The following TCF20 variants were observed in gnomAD, a reference collection of about 807,000 sequenced individuals.
The protein encoded by TCF20 is SPRE-binding protein.
Under a neutral mutation model 148.6 loss-of-function variants are expected in TCF20, and 3 were observed. The observed-to-expected ratio is 0.02, with a 90% confidence interval of 0.01 to 0.05. The LOEUF (loss-of-function observed/expected upper bound fraction) is 0.05. TCF20 is among the 10% of genes least tolerant of loss of function. TCF20 has a pLI of 1.00. For missense variants in TCF20, 2,350 were observed against 2,429.3 expected (o/e 0.97, Z 0.69); for synonymous variants, 1,049 against 909.5 (o/e 1.15, Z -2.76).
Position 42,338,851 on chromosome 22 carries a change from T to C in TCF20, c.-37+4628A>G, listed in dbSNP as rs970720997. On this transcript the variant is annotated intron_variant, in intron 1 of 1. Transcript: ENST00000515426. The surrounding 1 kb of genome is among the most constrained non-coding windows in gnomAD (Gnocchi z 4.0). ...GGCTGGAGTCCCTTCAGATGCATTA[T>C]AAATATAAAGGCTAAAATTCTGATT... 7.9e-5 allele frequency among the ~76,000 whole-genome samples: 12 copies of C among 152,154 alleles called. No individual in the cohort carries two copies. Among genetic ancestry groups the C allele is most frequent in the African/African-American group, 1.7e-4 (7 of 41,432 alleles).
Position 42,270,610 on chromosome 22 carries a change from C to A in TCF20, c.-308G>T, listed in dbSNP as rs1208658596. On this transcript the variant is annotated 5_prime_UTR_variant, in exon 1 of 6. Transcript: ENST00000677622. Reference sequence around the variant, plus strand: ...CTCGCAGGGGCCGAAAGCGGCTGGGCTCGGGGTTTTTTCTCTCCATTCTCC... The same window carrying A: ...CTCGCAGGGGCCGAAAGCGGCTGGGATCGGGGTTTTTTCTCTCCATTCTCC... Among the ~76,000 whole-genome samples the A allele has an allele frequency of 6.9e-6, 1 of 145,366 alleles. No individual in the cohort carries two copies. Among genetic ancestry groups the A allele is most frequent in the African/African-American group, 2.5e-5 (1 of 40,522 alleles).
intron 1 of TCF20, among the ~76,000 whole-genome samples, chr22:42,269,556 C>T (rs1054256165): frequency 6.6e-6 from 1 of 152,208 alleles, no homozygotes; most frequent in Non-Finnish European, 1.5e-5. Context: ...CCCGATTGGC[C>T]ACGCTCCTTC....
rs562385510 is a variant in TCF20 at position 42,222,167 on chromosome 22, C to T, written c.-36-6826G>A. Among the ~76,000 whole-genome samples, 4 of 152,248 alleles carry T rather than the reference C, an allele frequency of 2.6e-5. No individual in the cohort carries two copies. In the South Asian group the frequency reaches 8.3e-4, roughly 32 times the overall value. ...AATCATTTCTAAAAGACAACAAATG[C>T]ATTTATTATTAGGCAGTAACTAACT... On this transcript the variant is annotated intron_variant, in intron 1 of 5. Coordinates refer to ENST00000677622, the MANE Select transcript of TCF20 (RefSeq NM_001378418.1).
At chr22:42,195,144 T>C (rs1014186537) in intron 2 of TCF20, among the ~76,000 whole-genome samples, 2 of 149,040 alleles carry the variant, frequency 1.3e-5, no homozygotes, top group African/African-American at 4.9e-5. Context: ...AGAACAGGTT[T>C]GGTGGTGATT....
intron 1 of TCF20, among the ~76,000 whole-genome samples, chr22:42,295,497 G>A (rs576344825): frequency 2.1e-4 from 32 of 149,200 alleles, no homozygotes; most frequent in African/African-American, 6.4e-4. Context: ...GGGCTGGAGT[G>A]CAATGGCACA....
At chr22:42,265,596 T>C (rs1400759798) in intron 1 of TCF20, among the ~76,000 whole-genome samples, 1 of 152,200 alleles carries the variant, frequency 6.6e-6, no homozygotes, top group Non-Finnish European at 1.5e-5. Flanking sequence ...TGTTACTTTT[T>C]TACCTCCACA....
At chr22:42,311,863 C>A (rs1350377167) in intron 1 of TCF20, among the ~76,000 whole-genome samples, 1 of 152,222 alleles carries the variant, frequency 6.6e-6, no homozygotes, top group Non-Finnish European at 1.5e-5. Flanking sequence ...CAGCCCTGTT[C>A]TCCTAGGCAC....
chr22:42,225,340 C>A (rs973048499), intron 1 of TCF20, among the ~76,000 whole-genome samples: 1 of 151,762 alleles, frequency 6.6e-6, no homozygotes, highest in Non-Finnish European at 1.5e-5. Flanking sequence ...TTAGGCCGGG[C>A]GCGGTGGCTC....
intron 1 of TCF20, among the ~76,000 whole-genome samples, chr22:42,251,955 G>C (rs1161267444): frequency 6.6e-6 from 1 of 151,852 alleles, no homozygotes; most frequent in African/African-American, 2.4e-5. Context: ...TGTAATCCCA[G>C]CACTTCGGGA....
intron 1 of TCF20, among the ~76,000 whole-genome samples, chr22:42,269,370 G>A (rs1163427741): frequency 6.6e-6 from 1 of 152,122 alleles, no homozygotes; most frequent in Non-Finnish European, 1.5e-5. Flanking sequence ...CTAAAGGATT[G>A]AATACAGACC....
At chr22:42,255,561 G>A (rs111957468) in intron 1 of TCF20, among the ~76,000 whole-genome samples, 2,824 of 152,192 alleles carry the variant, frequency 0.019, 45 homozygotes, top group Middle Eastern at 0.075. Flanking sequence ...AAATGTTTGG[G>A]TAAATAAAAT....
intron 3 of TCF20, among the ~76,000 whole-genome samples, chr22:42,177,634 A>G (rs1936527862): frequency 4.6e-5 from 7 of 152,208 alleles, no homozygotes; most frequent in Admixed American, 4.6e-4. Flanking sequence ...AACAGTTAAC[A>G]CACTGCAAAA....
In TCF20 at chr22:42,161,292, G is replaced by A; in HGVS notation, c.*111C>T. On this transcript the variant is annotated 3_prime_UTR_variant, in exon 6 of 6. Coordinates refer to ENST00000677622, the MANE Select transcript of TCF20 (RefSeq NM_001378418.1). ...GCGGGGCGGGGCAGGGCAGGGTGTG[G>A]CTGCACGGTAGGACGATTTCCATTC... 1.2e-6 allele frequency: 2 copies of A among 1,612,632 alleles called. No individual in the cohort carries two copies.
rs56290616 is a variant in TCF20, at chr22:42,200,653, A to AAG, written c.5655+8997_5655+8998insCT. Among the ~76,000 whole-genome samples the AAG allele has an allele frequency of 2.7e-3, 413 of 151,556 alleles. 2 individuals carry two copies. Among genetic ancestry groups the AAG allele is most frequent in the Non-Finnish European group, 4.9e-3 (330 of 67,806 alleles). On this transcript the variant is annotated intron_variant, in intron 2 of 5. Transcript: ENST00000677622. The stretch of plus-strand genomic sequence containing the variant: ...CAGGACTTCGTCTCAAAAAAAAAAA[A>AAG]AAAAAAAAGTCTATCAACTTTGAAT...
chr22:42,162,931 T>C (rs1012240866), intron 5 of TCF20, among the ~76,000 whole-genome samples: 1 of 151,942 alleles, frequency 6.6e-6, no homozygotes, highest in Non-Finnish European at 1.5e-5. Flanking sequence ...TGGCACAACA[T>C]CACCACAGAC....
chr22:42,235,367 A>G (rs1004099287), intron 1 of TCF20, among the ~76,000 whole-genome samples: 23 of 152,160 alleles, frequency 1.5e-4, no homozygotes, highest in African/African-American at 4.1e-4. Context: ...CTCTGATGTA[A>G]TATCAGGGAG....
chr22:42,185,624 A>T (rs1410415912), intron 2 of TCF20, among the ~76,000 whole-genome samples: 1 of 152,192 alleles, frequency 6.6e-6, no homozygotes, highest in East Asian at 1.9e-4. Flanking sequence ...GATGGGCTAC[A>T]TACAAGGAGC....
chr22:42,336,199 G>A (rs1928065103), intron 1 of TCF20, among the ~76,000 whole-genome samples: 1 of 152,154 alleles, frequency 6.6e-6, no homozygotes, highest in Admixed American at 6.5e-5. Flanking sequence ...AGGGGTGGTG[G>A]TGGCAAGAAC....
intron 2 of TCF20, among the ~76,000 whole-genome samples, chr22:42,186,790 C>G (rs1487207285): frequency 6.6e-6 from 1 of 152,200 alleles, no homozygotes; most frequent in East Asian, 1.9e-4. Flanking sequence ...CAAACTAAAA[C>G]TATTTTTAAA....
Sources: allele counts gnomAD v4.1 joint callset (sites outside exome capture counted in the v4.1 genomes callset), GRCh38; gene constraint gnomAD v4.1.1; non-coding constraint Gnocchi (gnomAD v3.1); transcripts MANE v1.5; gene names NCBI Gene and HGNC (gene_info 2026-07-23, HGNC 2026-07-21).